MAP2K1: variants seen among roughly 807,000 people sequenced by gnomAD.
MAP2K1 encodes dual specificity mitogen-activated protein kinase kinase 1.
MAP2K1 carries 16 observed loss-of-function variants against 46.3 expected under a neutral mutation model. That is an observed-to-expected ratio of 0.35 (90% CI 0.23 to 0.52). The LOEUF (loss-of-function observed/expected upper bound fraction) is 0.52. MAP2K1 is among the 20% of genes least tolerant of loss of function. The pLI is 0.94. For missense variants in MAP2K1, 263 were observed against 497.1 expected (o/e 0.53, Z 4.48); for synonymous variants, 183 against 185.6 (o/e 0.99, Z 0.11).
rs2093484116 is a variant in MAP2K1 at position 66,435,081 on chromosome 15, G to A, written c.135G>A (p.Gln45=). Residue 45 remains glutamine (Q), a synonymous_variant, in exon 2 of 11, where the codon CAG becomes CAA. Coordinates refer to ENST00000307102, the MANE Select transcript of MAP2K1 (RefSeq NM_002755.4). Reference sequence around the variant, plus strand: ...TGGAGGAGCTAGAGCTTGATGAGCAGCAGCGAAAGCGCCTTGAGGCCTTTC... The same window carrying A: ...TGGAGGAGCTAGAGCTTGATGAGCAACAGCGAAAGCGCCTTGAGGCCTTTC... ...KKLEELELDE[Q]QRKRLEAFLT... The A allele has an allele frequency of 6.2e-7, 1 of 1,614,148 alleles. No homozygotes were observed. The highest frequency in any genetic ancestry group is 8.5e-7 in the Non-Finnish European group (1 of 1,180,014).
At chr15:66,393,436 A>C (rs2093361196) in intron 1 of MAP2K1, among the ~76,000 whole-genome samples, 1 of 152,256 alleles carries the variant, frequency 6.6e-6, no homozygotes, top group Middle Eastern at 3.4e-3. Flanking sequence ...TTGGCCTCCC[A>C]AAGTGCTGGG....
chr15:66,390,941 C>A (rs1227758152), intron 1 of MAP2K1, among the ~76,000 whole-genome samples: 2 of 152,264 alleles, frequency 1.3e-5, no homozygotes, highest in East Asian at 3.9e-4. Flanking sequence ...ACTCCTCCTT[C>A]CCTAGGTAGG....
At chr15:66,487,146 G>C in intron 7 of MAP2K1, 82 bp from the exon 8 acceptor site, 1 of 1,162,572 alleles carries the variant, frequency 8.6e-7, no homozygotes, top group Non-Finnish European at 1.3e-6. Context: ...TCTGGTCCCA[G>C]GGATCCATGC....
chr15:66,444,775 T>G, intron 5 of MAP2K1, 68 bp downstream of exon 5: 1 of 1,257,388 alleles, frequency 8.0e-7, no homozygotes, highest in Non-Finnish European at 1.2e-6. Context: ...TTGCTTCCTC[T>G]TTTTTCTATG....
At chr15:66,421,622 GA>G (rs1408143619) in intron 1 of MAP2K1, among the ~76,000 whole-genome samples, 1 of 151,674 alleles carries the variant, frequency 6.6e-6, no homozygotes, top group East Asian at 1.9e-4. Flanking sequence ...CCAACATGGT[GA>G]AATCCTGTCT....
intron 1 of MAP2K1, among the ~76,000 whole-genome samples, chr15:66,399,431 G>A (rs933434209): frequency 6.6e-6 from 1 of 151,666 alleles, no homozygotes; most frequent in Non-Finnish European, 1.5e-5. Context: ...CACATTAAAT[G>A]CAATCTCTCC....
intron 6 of MAP2K1, among the ~76,000 whole-genome samples, chr15:66,484,501 G>C (rs12912136): frequency 0.056 from 8,552 of 152,254 alleles, 341 homozygotes; most frequent in Middle Eastern, 0.11. Flanking sequence ...CTTTTAGCTT[G>C]TAAGTCCCGG....
At chr15:66,456,384 C>T (rs538171899) in intron 5 of MAP2K1, among the ~76,000 whole-genome samples, 1 of 152,276 alleles carries the variant, frequency 6.6e-6, no homozygotes, top group South Asian at 2.1e-4. Flanking sequence ...GTGGCAGAAA[C>T]CCACCTCAAG....
chr15:66,397,049 G>C (rs1433684382), intron 1 of MAP2K1, among the ~76,000 whole-genome samples: 3 of 120,874 alleles, frequency 2.5e-5, no homozygotes, highest in African/African-American at 1.0e-4. Context: ...CTGTCGCCCA[G>C]GCTGGAGTGC....
intron 5 of MAP2K1, among the ~76,000 whole-genome samples, chr15:66,446,213 C>T (rs976628659): frequency 4.0e-5 from 6 of 151,894 alleles, no homozygotes; most frequent in African/African-American, 7.3e-5. Context: ...AGCAAGACTC[C>T]GTCTCAAAAC....
intron 8 of MAP2K1, 68 bp from the exon 9 acceptor site, chr15:66,489,146 TG>T: frequency 7.4e-6 from 9 of 1,212,944 alleles, no homozygotes; most frequent in South Asian, 1.2e-5. Context: ...GTGGGAGGGG[TG>T]GGATGGGGAG....
chr15:66,396,768 TC>T (rs1021932277), intron 1 of MAP2K1, among the ~76,000 whole-genome samples: 14 of 151,402 alleles, frequency 9.2e-5, no homozygotes, highest in African/African-American at 3.2e-4. Context: ...CACTGCAACC[TC>T]TGCCTCCTGG....
intron 1 of MAP2K1, among the ~76,000 whole-genome samples, chr15:66,393,425 C>G (rs985235551): frequency 2.6e-5 from 4 of 152,126 alleles, no homozygotes; most frequent in African/African-American, 9.7e-5. Flanking sequence ...ATCTGCCCTC[C>G]TTGGCCTCCC....
At chr15:66,482,654 GTC>G (rs1452200674) in intron 6 of MAP2K1, among the ~76,000 whole-genome samples, 8 of 152,220 alleles carry the variant, frequency 5.3e-5, no homozygotes, top group African/African-American at 1.4e-4. Context: ...GGGACAAGGT[GTC>G]TCTCTTGTCC....
chr15:66,388,479 A>G (rs985970663), intron 1 of MAP2K1, among the ~76,000 whole-genome samples: 1 of 152,222 alleles, frequency 6.6e-6, no homozygotes, highest in Admixed American at 6.5e-5. Context: ...AAATCAGAAT[A>G]GGCTTGGACC....
chr15:66,439,963 G>A (rs1313796205), intron 3 of MAP2K1, among the ~76,000 whole-genome samples: 31 of 151,390 alleles, frequency 2.0e-4, no homozygotes, highest in Non-Finnish European at 8.8e-5. Context: ...ATTCTAGCAT[G>A]CAGGAAAACC....
intron 1 of MAP2K1, among the ~76,000 whole-genome samples, chr15:66,417,841 G>A (rs1595849585): frequency 6.6e-6 from 1 of 152,150 alleles, no homozygotes; most frequent in East Asian, 1.9e-4. Context: ...GACTAGAATT[G>A]GAGACATATT....
At chr15:66,399,095 A>T (rs1165943026) in intron 1 of MAP2K1, among the ~76,000 whole-genome samples, 3 of 152,202 alleles carry the variant, frequency 2.0e-5, no homozygotes, top group Admixed American at 2.0e-4. Flanking sequence ...TTTTAATGTA[A>T]TGATGGTACA....
At chr15:66,489,677 G>A in intron 9 of MAP2K1, 41 bp from the exon 10 acceptor site, 1 of 1,507,906 alleles carries the variant, frequency 6.6e-7, no homozygotes, top group Non-Finnish European at 9.2e-7. Flanking sequence ...GCTAGAACCA[G>A]TGCCAGGCAA....
Sources: allele counts gnomAD v4.1 joint callset (sites outside exome capture counted in the v4.1 genomes callset), GRCh38; gene constraint gnomAD v4.1.1; transcripts MANE v1.5; gene names NCBI Gene and HGNC (gene_info 2026-07-23, HGNC 2026-07-21).